Variants in BRD7 observed in about 807,000 individuals in gnomAD.
BRD7 encodes the protein bromodomain-containing protein 7.
A neutral mutation model predicts 82.1 loss-of-function variants in BRD7; 15 were observed. That is an observed-to-expected ratio of 0.18 (90% CI 0.12 to 0.28). The LOEUF (loss-of-function observed/expected upper bound fraction) is 0.28. Ranked by LOEUF, BRD7 falls within the 10% of genes least tolerant of loss-of-function variation. BRD7 has a pLI of 1.00. For missense variants in BRD7, 638 were observed against 779.9 expected, an observed-to-expected ratio of 0.82 and a Z score of 2.17; for synonymous variants, 232 against 266.9, an observed-to-expected ratio of 0.87 and a Z score of 1.27.
chr16:50,344,242 C>T (rs1453554207), intron 5 of BRD7, among the ~76,000 whole-genome samples: 5 of 152,118 alleles, frequency 3.3e-5, no homozygotes, highest in Non-Finnish European at 5.9e-5. Flanking sequence ...GACATCCGCA[C>T]CAAAACTCCA....
chr16:50,326,022 A>G, intron 10 of BRD7, 139 bp from the exon 11 acceptor site: 1 of 929,698 alleles, frequency 1.1e-6, no homozygotes, highest in Admixed American at 3.2e-5. Flanking sequence ...TTTTCTCTCA[A>G]ACAGGTACTT....
chr16:50,320,616 T>C (rs112415991), intron 14 of BRD7, 47 bp downstream of exon 14: 240 of 1,481,268 alleles, frequency 1.6e-4, no homozygotes, highest in African/African-American at 5.5e-4. Context: ...AAATCTTGAC[T>C]GCCTACATCA....
chr16:50,323,235 AAAGCCATT>A (rs1797201969), intron 12 of BRD7, among the ~76,000 whole-genome samples: 1 of 152,258 alleles, frequency 6.6e-6, no homozygotes, highest in Admixed American at 6.5e-5. Context: ...TGCACGAGGA[AAAGCCATT>A]CCCTATCATT....
intron 7 of BRD7, 120 bp downstream of exon 7, chr16:50,334,591 A>C (rs1271728755): frequency 8.3e-6 from 10 of 1,210,754 alleles, no homozygotes; most frequent in East Asian, 7.0e-5. Context: ...TCATGCCAAA[A>C]CACCACCACC....
At chr16:50,357,169 T>C (rs1192751135) in intron 2 of BRD7, among the ~76,000 whole-genome samples, 4 of 152,240 alleles carry the variant, frequency 2.6e-5, no homozygotes, top group South Asian at 2.1e-4. Context: ...CTAGAATTAC[T>C]GATCTGCAGG....
Position 50,319,998 on chromosome 16 carries a change from C to A in BRD7, c.1789G>T (p.Ala597Ser), listed in dbSNP as rs1229533673. The A allele has an allele frequency of 6.2e-7, 1 of 1,611,504 alleles. No individual in the cohort carries two copies. ...ATATCACCTGGAGTTACTTGCTGTG[C>A]AAGTTCTTTAAGATTATTGGTCACT... ...EQVTNNLKEL[A>S]QQVTPGDIVS... Residue 597 changes from alanine (A) to serine (S), a missense_variant, in exon 16 of 17, where the codon GCA becomes TCA. By Grantham distance (99) the Ala-to-Ser change is moderately conservative. This residue lies in a region of BRD7 where 402 missense variants were observed against 500.8 expected (regional missense o/e 0.80). Transcript: ENST00000394688.
At chr16:50,340,655 T>C (rs1259163210) in intron 5 of BRD7, among the ~76,000 whole-genome samples, 1 of 152,206 alleles carries the variant, frequency 6.6e-6, no homozygotes, top group Non-Finnish European at 1.5e-5. Flanking sequence ...TATCATAAAC[T>C]AAACATAATT....
chr16:50,357,661 A>T (rs2038786612), intron 2 of BRD7, among the ~76,000 whole-genome samples: 2 of 152,162 alleles, frequency 1.3e-5, no homozygotes, highest in South Asian at 2.1e-4. Flanking sequence ...AGAGTCTAGA[A>T]CTGGGGCCAG....
At chr16:50,338,878 C>T (rs2037928500) in intron 6 of BRD7, among the ~76,000 whole-genome samples, 1 of 152,188 alleles carries the variant, frequency 6.6e-6, no homozygotes, top group African/African-American at 2.4e-5. Context: ...GCCAGGATCA[C>T]CCTTGATTCG....
chr16:50,335,757 A>G (rs936875977), intron 6 of BRD7, among the ~76,000 whole-genome samples: 1 of 152,280 alleles, frequency 6.6e-6, no homozygotes, highest in South Asian at 2.1e-4. Flanking sequence ...TGACTCACCT[A>G]AGGTCACTAA....
At chr16:50,340,589 C>T (rs2038005713) in intron 5 of BRD7, among the ~76,000 whole-genome samples, 1 of 152,166 alleles carries the variant, frequency 6.6e-6, no homozygotes, top group African/African-American at 2.4e-5. Context: ...GCCAAATTCA[C>T]ATTAACTGAG....
intron 11 of BRD7, among the ~76,000 whole-genome samples, chr16:50,323,945 C>T (rs955130913): frequency 1.3e-5 from 2 of 152,184 alleles, no homozygotes; most frequent in African/African-American, 4.8e-5. Flanking sequence ...GGCTCAGTCC[C>T]TGGATCTTCT....
intron 6 of BRD7, among the ~76,000 whole-genome samples, chr16:50,335,650 C>T (rs1246424643): frequency 6.6e-6 from 1 of 152,178 alleles, no homozygotes; most frequent in African/African-American, 2.4e-5. Context: ...GGCTGCACAG[C>T]AACAGCAGGG....
Position 50,363,666 on chromosome 16 carries a change from CGCGCGCGTGCGCGTGT to C in BRD7, c.258+4408_258+4423del, listed in dbSNP as rs778539585. 8.1e-5 allele frequency among the ~76,000 whole-genome samples: 11 copies of C among 135,704 alleles called. No individual in the cohort carries two copies. In the South Asian group the frequency reaches 1.4e-3, roughly 17 times the overall value. The allele number at this position is 135,704 out of a possible 152,430, so 89.0% of individuals were successfully genotyped here. A position where few individuals can be genotyped will look rare whatever the true frequency, so the allele number is the denominator to read the frequency against. On this transcript the variant is annotated intron_variant, in intron 2 of 16. Coordinates refer to ENST00000394688, the MANE Select transcript of BRD7 (RefSeq NM_013263.5). Reference sequence around the variant, plus strand: ...TTGTGTGTGTGTGTGTGTGTGCGCGCGCGCGCGTGCGCGTGTGCTTCCCCCAACTTTATCTTATTTT... The same window carrying C: ...TTGTGTGTGTGTGTGTGTGTGCGCGCGCTTCCCCCAACTTTATCTTATTTT...
At chr16:50,322,252 C>T (rs1474747101) in intron 12 of BRD7, among the ~76,000 whole-genome samples, 1 of 152,108 alleles carries the variant, frequency 6.6e-6, no homozygotes, top group Non-Finnish European at 1.5e-5. Flanking sequence ...GATGTTATTT[C>T]CATGCCTGAT....
chr16:50,342,543 C>T (rs536836885), intron 5 of BRD7, among the ~76,000 whole-genome samples: 6 of 147,896 alleles, frequency 4.1e-5, no homozygotes, highest in Non-Finnish European at 8.9e-5. Context: ...GCCTCAGCCT[C>T]CCGAGTAGCT....
chr16:50,368,267 G>A lies in BRD7; in HGVS notation c.81C>T (p.Leu27=). ...CGGTGACTTCGTTCCCTCCTACTTT[G>A]AGGACCAGCTTCAAGGGCTTCTCTA... The part of the protein sequence containing the change: ...EYVEKPLKLV[L]KVGGNEVTEL... The change falls in exon 2 of 17, where the codon CTC becomes CTT. Residue 27 remains leucine, a synonymous_variant. Transcript: ENST00000394688. The A allele has an allele frequency of 6.2e-7, 1 of 1,614,148 alleles. No homozygotes were observed. The highest frequency in any genetic ancestry group is 2.2e-5 in the East Asian group (1 of 44,874).
rs2036884740 is a variant in BRD7 at position 50,317,907 on chromosome 16, AAC to A, written c.*1302_*1303del. On this transcript the variant is annotated 3_prime_UTR_variant, in exon 17 of 17. Transcript: ENST00000394688. Reference sequence around the variant, plus strand: ...GAGGAAATTTCCTAACAAACAAACAAACAAACAAACAGAAGAGAAGATCATTA... The same window carrying A: ...GAGGAAATTTCCTAACAAACAAACAAAAACAAACAGAAGAGAAGATCATTA... 1 of 152,096 alleles carries A rather than the reference AAC, an allele frequency of 6.6e-6. No individual in the cohort carries two copies. Among genetic ancestry groups the A allele is most frequent in the African/African-American group, 2.4e-5 (1 of 41,272 alleles). The allele number at this position is 152,096 out of a possible 1,614,324, so 9.4% of individuals were successfully genotyped here. A position where few individuals can be genotyped will look rare whatever the true frequency, so the allele number is the denominator to read the frequency against.
rs1055119523 is a variant in BRD7 at position 50,317,623 on chromosome 16, A to G, written c.*1588T>C. ...CACTGTGCTGTGCTCAGATAATAAT[A>G]GTTTGTAAGTAAAAGTTTTTAGTTT... On this transcript the variant is annotated 3_prime_UTR_variant, in exon 17 of 17. Transcript: ENST00000394688. 1 of 152,390 alleles carries G rather than the reference A, an allele frequency of 6.6e-6. No individual in the cohort carries two copies. Among genetic ancestry groups the G allele is most frequent in the East Asian group, 1.9e-4 (1 of 5,338 alleles). The allele number at this position is 152,390 out of a possible 1,614,324, so 9.4% of individuals were successfully genotyped here.
Sources: gnomAD v4.1 joint callset for allele counts (sites outside exome capture counted in the v4.1 genomes callset) on GRCh38, gnomAD v4.1.1 for gene constraint, gnomAD v4.1.1 regional missense constraint, MANE v1.5 for transcripts, NCBI Gene and HGNC (gene_info 2026-07-23, HGNC 2026-07-21) for gene names.